The following FER variants were observed in gnomAD, a reference collection of about 807,000 sequenced individuals.
FER encodes FER tyrosine kinase.
In FER, 63 loss-of-function variants were observed where a neutral mutation model predicts 111.0. The ratio of observed to expected loss-of-function variants is 0.57; its 90% CI spans 0.46 to 0.70. The LOEUF is 0.70. Among genes scored for constraint, FER ranks in the 30% least tolerant of loss-of-function variants. FER has a pLI of 0.00. For missense variants in FER, 914 were observed against 954.0 expected, an observed-to-expected ratio of 0.96 and a Z score of 0.55; for synonymous variants, 327 against 313.9, an observed-to-expected ratio of 1.04 and a Z score of -0.44.
chr5:109,001,019 A>G (rs2149779590), intron 13 of FER, among the ~76,000 whole-genome samples: 1 of 152,292 alleles, frequency 6.6e-6, no homozygotes, highest in East Asian at 1.9e-4. Flanking sequence ...TCAATAGCTT[A>G]CCAACCAAAA....
At chr5:108,788,171 C>T (rs1754955648) in intron 2 of FER, among the ~76,000 whole-genome samples, 1 of 152,154 alleles carries the variant, frequency 6.6e-6, no homozygotes, top group African/African-American at 2.4e-5. Flanking sequence ...CATCGTTTTC[C>T]CCCTGTCCAG....
intron 17 of FER, among the ~76,000 whole-genome samples, chr5:109,169,942 A>G (rs954499422): frequency 1.3e-5 from 2 of 152,216 alleles, no homozygotes; most frequent in Non-Finnish European, 2.9e-5. Flanking sequence ...CAGAACATTC[A>G]GTATCTAAAT....
At chr5:108,851,252 G>A (rs1762515974) in intron 5 of FER, among the ~76,000 whole-genome samples, 1 of 152,188 alleles carries the variant, frequency 6.6e-6, no homozygotes, top group African/African-American at 2.4e-5. Context: ...AGGCAAGGAG[G>A]AGAAAGTCAT....
chr5:108,886,278 T>C (rs1036018708), intron 9 of FER, among the ~76,000 whole-genome samples: 2 of 151,644 alleles, frequency 1.3e-5, no homozygotes, highest in African/African-American at 4.8e-5. Context: ...TACCTGTTTA[T>C]ATTTATCAGG....
At chr5:109,132,755 CA>C (rs1752490274) in intron 17 of FER, among the ~76,000 whole-genome samples, 2 of 152,126 alleles carry the variant, frequency 1.3e-5, no homozygotes, top group African/African-American at 4.8e-5. Context: ...AGAATGCTGA[CA>C]ATTTGGAATA....
At chr5:109,127,920 G>C (rs1447177054) in intron 17 of FER, among the ~76,000 whole-genome samples, 1 of 151,872 alleles carries the variant, frequency 6.6e-6, no homozygotes, top group African/African-American at 2.4e-5. Flanking sequence ...TTATGTTCTT[G>C]CTAGTTTTGG....
intron 16 of FER, among the ~76,000 whole-genome samples, chr5:109,054,488 T>A (rs1206504176): frequency 1.3e-5 from 2 of 152,242 alleles, no homozygotes; most frequent in African/African-American, 4.8e-5. Context: ...TTCTTGTAAT[T>A]AAGTCTTGGT....
intron 17 of FER, among the ~76,000 whole-genome samples, chr5:109,104,400 G>C (rs1748627678): frequency 6.6e-6 from 1 of 152,164 alleles, no homozygotes. Flanking sequence ...AGTCAATTTT[G>C]TGATAAAATC....
At chr5:108,877,458 G>A (rs898350838) in intron 8 of FER, among the ~76,000 whole-genome samples, 2 of 152,172 alleles carry the variant, frequency 1.3e-5, no homozygotes, top group African/African-American at 4.8e-5. Flanking sequence ...ACAGAAACTC[G>A]TAACTTTCAC....
At chr5:108,919,537 C>T (rs1411048677) in intron 10 of FER, among the ~76,000 whole-genome samples, 7 of 152,152 alleles carry the variant, frequency 4.6e-5, no homozygotes, top group Admixed American at 6.5e-5. Context: ...TGTCATTTAA[C>T]AAAACTTACT....
At chr5:108,935,423 T>C (rs1029954245) in intron 10 of FER, among the ~76,000 whole-genome samples, 4 of 152,062 alleles carry the variant, frequency 2.6e-5, no homozygotes, top group African/African-American at 9.7e-5. Flanking sequence ...GGATTTAGGG[T>C]CCCTGGATAA....
At chr5:109,172,292 T>C (rs182320613) in intron 17 of FER, among the ~76,000 whole-genome samples, 3 of 151,980 alleles carry the variant, frequency 2.0e-5, no homozygotes, top group Non-Finnish European at 4.4e-5. Flanking sequence ...CACCATGGAA[T>C]ACTATGCAGC....
intron 5 of FER, among the ~76,000 whole-genome samples, chr5:108,867,051 C>G (rs771092647): frequency 1.3e-5 from 2 of 152,112 alleles, no homozygotes; most frequent in African/African-American, 2.4e-5. Context: ...ATTTCTTCAA[C>G]TTTCTCAAAA....
intron 10 of FER, among the ~76,000 whole-genome samples, chr5:108,934,458 A>T (rs1490349486): frequency 6.6e-6 from 1 of 152,120 alleles, no homozygotes; most frequent in African/African-American, 2.4e-5. Context: ...TTTTAATGTT[A>T]ATCTTTTTAG....
intron 11 of FER, among the ~76,000 whole-genome samples, chr5:108,947,980 G>A (rs72789306): frequency 5.3e-5 from 8 of 151,742 alleles, no homozygotes; most frequent in East Asian, 1.9e-4. Context: ...CCTCGGCCCC[G>A]CTAAGAGTTC....
rs1297893244 is a variant in FER at position 108,832,959 on chromosome 5, T to C, written c.381+16T>C. 2 of 1,520,256 alleles carry C rather than the reference T, an allele frequency of 1.3e-6. No homozygotes were observed. The highest frequency in any genetic ancestry group is 2.2e-5 in the Admixed American group (1 of 45,702). 94.2% of individuals were successfully genotyped at this position (1,520,256 alleles called of 1,614,324 possible). On this transcript the variant is annotated intron_variant, in intron 4 of 19. Coordinates refer to ENST00000281092, the MANE Select transcript of FER (RefSeq NM_005246.4). ...GATGATCAAGGTTCGTTTTTCCATA[T>C]TGAAGTTCTTTCTTGAAATTGTTTT...
At chr5:108,925,621 A>C (rs1339067965) in intron 10 of FER, among the ~76,000 whole-genome samples, 1 of 151,962 alleles carries the variant, frequency 6.6e-6, no homozygotes, top group East Asian at 1.9e-4. Context: ...TATTAGGAAA[A>C]CCTAATTCTG....
At chr5:109,069,166 T>C (rs566087692) in intron 16 of FER, among the ~76,000 whole-genome samples, 13 of 152,232 alleles carry the variant, frequency 8.5e-5, no homozygotes, top group African/African-American at 3.1e-4. Flanking sequence ...ATCATACAAA[T>C]ACAATACAAT....
chr5:108,871,254 C>A, intron 6 of FER, 111 bp from the exon 7 acceptor site: 1 of 812,718 alleles, frequency 1.2e-6, no homozygotes, highest in Non-Finnish European at 1.9e-6. Context: ...AAACAACCAT[C>A]TGTACATTTC....
Sources: gnomAD v4.1 joint callset for allele counts (sites outside exome capture counted in the v4.1 genomes callset) on GRCh38, gnomAD v4.1.1 for gene constraint, MANE v1.5 for transcripts, NCBI Gene and HGNC (gene_info 2026-07-23, HGNC 2026-07-21) for gene names.